Variants in ODF4 observed in about 807,000 individuals in gnomAD.
ODF4 encodes the protein outer dense fiber protein 4.
Under a neutral mutation model 17.0 loss-of-function variants are expected in ODF4, and 11 were observed. The observed-to-expected ratio is 0.65, with a 90% CI of 0.41 to 1.07. ODF4 has a LOEUF of 1.07. Ranked by LOEUF, ODF4 falls within the 50% of genes least tolerant of loss-of-function variation. ODF4 has a pLI of 0.00. For synonymous variants in ODF4, 127 were observed against 121.8 expected (o/e 1.04, Z -0.28); for missense variants, 281 against 310.2 (o/e 0.91, Z 0.71).
In ODF4 at chr17:8,345,329, C is replaced by T. The variant is rs1331637524; in HGVS notation, c.455-14C>T. 3 of 1,610,942 alleles carry T rather than the reference C, an allele frequency of 1.9e-6. No homozygotes were observed. The highest frequency in any genetic ancestry group is 2.5e-6 in the Non-Finnish European group (3 of 1,177,888). ...CTTGTATGACAATGAGACCCTCTGC[C>T]TCCTGTCTCCTAGTCACCTTCATCT... On this transcript the variant is annotated splice_polypyrimidine_tract_variant and intron_variant, in intron 1 of 2. Transcript: ENST00000328248. This position sits in a 1 kb window ranked among gnomAD's most constrained non-coding sequence, Gnocchi z 4.1.
intron 1 of ODF4, chr17:8,344,962 T>C (rs1906173446): frequency 2.0e-6 from 2 of 1,016,508 alleles, no homozygotes. Context: ...GTCCTCACCA[T>C]CTGGTTGCAC....
Position 8,345,885 on chromosome 17 carries a change from C to T in ODF4, c.*33C>T. On this transcript the variant is annotated 3_prime_UTR_variant, in exon 3 of 3. Transcript: ENST00000328248. The surrounding 1 kb of genome is among the most constrained non-coding windows in gnomAD (Gnocchi z 4.1). ...TGAACTCCTGGCACCAAGTTCTGTC[C>T]ATTCATCTGACCCCATCTCCTCATC... 1 of 1,574,750 alleles carries T rather than the reference C, an allele frequency of 6.4e-7. No individual in the cohort carries two copies. The highest frequency in any genetic ancestry group is 1.1e-5 in the South Asian group (1 of 89,810).
rs747713877 is a variant in ODF4 at position 8,340,355 on chromosome 17, A to G, written c.304A>G (p.Lys102Glu). 8 of 1,612,958 alleles carry G rather than the reference A, an allele frequency of 5.0e-6. No individual in the cohort carries two copies. Among genetic ancestry groups the G allele is most frequent in the Non-Finnish European group, 6.8e-6 (8 of 1,179,536 alleles). The stretch of plus-strand genomic sequence containing the variant: ...CCTACTATTGGTCGTGGCCTTCTCC[A>G]AGAAATGGCTGGACCTCTCTAGGAG... ...FILLLVVAFS[K>E]KWLDLSRSLF... Residue 102 changes from lysine (K) to glutamate (E), a missense_variant, in exon 1 of 3, where the codon AAG (lysine) becomes GAG (glutamate). Coordinates refer to ENST00000328248, the MANE Select transcript of ODF4 (RefSeq NM_153007.5).
At position 8,340,524 on chromosome 17, in the gene ODF4, C is replaced by T. The variant is rs73975826; in HGVS notation, c.454+19C>T. The T allele has an allele frequency of 1.5e-4, 227 of 1,505,110 alleles. No individual in the cohort carries two copies. The highest frequency in any genetic ancestry group is 5.1e-4 in the African/African-American group (37 of 72,816). 93.2% of individuals were successfully genotyped at this position (1,505,110 alleles called of 1,614,324 possible). The stretch of plus-strand genomic sequence containing the variant: ...GGGAAAGGTGAGCCCCTCCACCCCC[C>T]ATCCCAGCCCAGGCCGCCAGCCTGT... On this transcript the variant is annotated intron_variant, in intron 1 of 2. Coordinates refer to ENST00000328248, the MANE Select transcript of ODF4 (RefSeq NM_153007.5).
rs56377140 is a variant in ODF4, at chr17:8,345,015, T to TTAG, written c.455-327_455-326insAGT. On this transcript the variant is annotated intron_variant, in intron 1 of 2. Coordinates refer to ENST00000328248, the MANE Select transcript of ODF4 (RefSeq NM_153007.5). The surrounding 1 kb of genome is among the most constrained non-coding windows in gnomAD (Gnocchi z 4.1). ...TGTTCAAAAATTGCCCTTTGTGGGCTTCGGGACCATCTTGAGCTTCTGTGA... is the reference window on the plus strand; with the variant it reads ...TGTTCAAAAATTGCCCTTTGTGGGCTTAGTCGGGACCATCTTGAGCTTCTGTGA... The TTAG allele has an allele frequency of 1.9e-6, 2 of 1,052,714 alleles. No homozygotes were observed. Among genetic ancestry groups the TTAG allele is most frequent in the East Asian group, 1.6e-4 (2 of 12,696 alleles). 65.2% of individuals were successfully genotyped at this position (1,052,714 alleles called of 1,614,324 possible).
chr17:8,341,475 A>G (rs984532443), intron 1 of ODF4, among the ~76,000 whole-genome samples: 1 of 151,266 alleles, frequency 6.6e-6, no homozygotes, highest in African/African-American at 2.4e-5. Context: ...TTCATTCCTC[A>G]TCCTTGTTTT....
chr17:8,340,990 AC>A (rs769395385), intron 1 of ODF4, among the ~76,000 whole-genome samples: 15 of 152,032 alleles, frequency 9.9e-5, no homozygotes, highest in Non-Finnish European at 2.1e-4. Context: ...GGAGATCGAG[AC>A]CATCCTGGCT....
At chr17:8,341,272 G>C (rs1906006168) in intron 1 of ODF4, among the ~76,000 whole-genome samples, 2 of 152,192 alleles carry the variant, frequency 1.3e-5, no homozygotes, top group African/African-American at 4.8e-5. Flanking sequence ...AGGGACAAGA[G>C]CCCCAGTGAG....
chr17:8,344,279 A>G (rs1301671553), intron 1 of ODF4, among the ~76,000 whole-genome samples: 1 of 127,374 alleles, frequency 7.9e-6, no homozygotes, highest in Non-Finnish European at 1.7e-5. Flanking sequence ...TGAGCTTTAT[A>G]TGTTTATCAG....
intron 1 of ODF4, chr17:8,344,976 C>T: frequency 9.7e-7 from 1 of 1,027,030 alleles, no homozygotes; most frequent in Non-Finnish European, 1.2e-6. Context: ...GTTGCACCTG[C>T]CCTACCTGCC....
rs1447596600 is a variant in ODF4, at chr17:8,345,597, T to C, written c.590-71T>C. ...GATTTTTAGGGTCTTATCTTCCCTT[T>C]GGTCTCACCCTACTTGTCACTTAAC... On this transcript the variant is annotated intron_variant, in intron 2 of 2. Transcript: ENST00000328248. The surrounding 1 kb of genome is among the most constrained non-coding windows in gnomAD (Gnocchi z 4.1). 23 of 1,530,626 alleles carry C rather than the reference T, an allele frequency of 1.5e-5. No individual in the cohort carries two copies. Among genetic ancestry groups the C allele is most frequent in the Non-Finnish European group, 2.0e-5 (22 of 1,111,780 alleles). 94.8% of individuals were successfully genotyped at this position (1,530,626 alleles called of 1,614,324 possible).
At chr17:8,343,010 G>A (rs373194067) in intron 1 of ODF4, among the ~76,000 whole-genome samples, 17 of 152,096 alleles carry the variant, frequency 1.1e-4, no homozygotes, top group South Asian at 6.2e-4. Flanking sequence ...TGGGATTACC[G>A]GTGTGAGCCA....
rs1409275012 is a variant in ODF4, at chr17:8,345,491, G to C, written c.589+14G>C. 1.2e-6 allele frequency: 2 copies of C among 1,613,062 alleles called. No individual in the cohort carries two copies. Among genetic ancestry groups the C allele is most frequent in the Non-Finnish European group, 1.7e-6 (2 of 1,179,560 alleles). On this transcript the variant is annotated intron_variant, in intron 2 of 2. Coordinates refer to ENST00000328248, the MANE Select transcript of ODF4 (RefSeq NM_153007.5). The surrounding 1 kb of genome is among the most constrained non-coding windows in gnomAD (Gnocchi z 4.1). ...ACTTCACCTGCGGTGAGTGGCCAGA[G>C]GGCCCTGGGGGAAGGAAGCGACATG... is the stretch of plus-strand genomic sequence containing the variant.
chr17:8,345,196 T>G lies in ODF4; in HGVS notation c.455-147T>G. 2.4e-6 allele frequency: 2 copies of G among 826,784 alleles called. No individual in the cohort carries two copies. Among genetic ancestry groups the G allele is most frequent in the South Asian group, 1.8e-5 (1 of 55,628 alleles). The allele number at this position is 826,784 out of a possible 1,614,324, so 51.2% of individuals were successfully genotyped here. On this transcript the variant is annotated intron_variant, in intron 1 of 2. Transcript: ENST00000328248. This position sits in a 1 kb window ranked among gnomAD's most constrained non-coding sequence, Gnocchi z 4.1. Reference sequence around the variant, plus strand: ...CATCATTTCTTGGTCACAGGAGAGGTAGAAATGCAGGGGTTGACTCCTGGA... The same window carrying G: ...CATCATTTCTTGGTCACAGGAGAGGGAGAAATGCAGGGGTTGACTCCTGGA...
Position 8,345,346 on chromosome 17 carries a change from C to T in ODF4, c.458C>T (p.Thr153Ile), listed in dbSNP as rs369506738. 59 of 1,613,404 alleles carry T rather than the reference C, an allele frequency of 3.7e-5. 2 individuals carry two copies. Among genetic ancestry groups the T allele is most frequent in the East Asian group, 2.7e-4 (12 of 44,886 alleles). Reference sequence around the variant, plus strand: ...CCCTCTGCCTCCTGTCTCCTAGTCACCTTCATCTTCTCCACCCTCATGCTA... The same window carrying T: ...CCCTCTGCCTCCTGTCTCCTAGTCATCTTCATCTTCTCCACCCTCATGCTA... ...SCSDLENGKVTFIFSTLMLFP... is the reference protein window; with the variant it reads ...SCSDLENGKVIFIFSTLMLFP... The change falls in exon 2 of 3, where the codon ACC becomes ATC. Residue 153 changes from threonine to isoleucine, a missense_variant. Transcript: ENST00000328248. The surrounding 1 kb of genome is among the most constrained non-coding windows in gnomAD (Gnocchi z 4.1).
At chr17:8,342,941 C>T (rs1370597976) in intron 1 of ODF4, among the ~76,000 whole-genome samples, 2 of 151,820 alleles carry the variant, frequency 1.3e-5, no homozygotes, top group Non-Finnish European at 2.9e-5. Context: ...CTCTGTTGCC[C>T]AGGCTGGTCT....
intron 1 of ODF4, among the ~76,000 whole-genome samples, chr17:8,343,749 C>CAA (rs1473334682): frequency 1.6e-5 from 2 of 123,890 alleles, no homozygotes; most frequent in African/African-American, 3.4e-5. Context: ...CTCCTGACCT[C>CAA]GTGATCTGCC....
Position 8,345,472 on chromosome 17 carries a change from C to T in ODF4, c.584C>T (p.Thr195Ile). 1 of 1,614,014 alleles carries T rather than the reference C, an allele frequency of 6.2e-7. No individual in the cohort carries two copies. Among genetic ancestry groups the T allele is most frequent in the Non-Finnish European group, 8.5e-7 (1 of 1,179,932 alleles). Residue 195 changes from threonine (T) to isoleucine (I), a missense_variant, in exon 2 of 3, where the codon ACC (threonine) becomes ATC (isoleucine). Transcript: ENST00000328248. This position sits in a 1 kb window ranked among gnomAD's most constrained non-coding sequence, Gnocchi z 4.1. The part of the protein sequence containing the change: ...IGWLVLILYF[T>I]CAILCYFNHK... ...TGGCTGGTGCTTATCCTATACTTCA[C>T]CTGCGGTGAGTGGCCAGAGGGCCCT...
chr17:8,345,557 C>A lies in ODF4; in HGVS notation c.589+80C>A. The A allele has an allele frequency of 6.4e-7, 1 of 1,552,240 alleles. No individual in the cohort carries two copies. The highest frequency in any genetic ancestry group is 8.8e-7 in the Non-Finnish European group (1 of 1,133,016). On this transcript the variant is annotated intron_variant, in intron 2 of 2. Coordinates refer to ENST00000328248, the MANE Select transcript of ODF4 (RefSeq NM_153007.5). The surrounding 1 kb of genome is among the most constrained non-coding windows in gnomAD (Gnocchi z 4.1). ...GGAAAGTGTGGAGGGAAGAGGCTGG[C>A]AATCCCCAGGGCTAGATTTTTAGGG...
Sources: gnomAD v4.1 joint callset for allele counts (sites outside exome capture counted in the v4.1 genomes callset) on GRCh38, gnomAD v4.1.1 for gene constraint, Gnocchi (gnomAD v3.1) non-coding constraint, MANE v1.5 for transcripts, NCBI Gene and HGNC (gene_info 2026-07-23, HGNC 2026-07-21) for gene names.